CORO2A: variants seen among roughly 807,000 people sequenced by gnomAD.
CORO2A encodes coronin-2A.
A neutral mutation model predicts 62.4 loss-of-function variants in CORO2A; 47 were observed. The observed-to-expected ratio is 0.75, with a 90% CI of 0.60 to 0.96. CORO2A has a LOEUF of 0.96. Ranked by LOEUF, CORO2A falls within the 40% of genes least tolerant of loss-of-function variation. The pLI is 0.00. For synonymous variants in CORO2A, 273 were observed against 268.9 expected, an observed-to-expected ratio of 1.02 and a Z score of -0.15; for missense variants, 610 against 684.1, an observed-to-expected ratio of 0.89 and a Z score of 1.21.
At chr9:98,139,087 T>C (rs538353786) in intron 2 of CORO2A, among the ~76,000 whole-genome samples, 1 of 151,058 alleles carries the variant, frequency 6.6e-6, no homozygotes, top group Non-Finnish European at 1.5e-5. Flanking sequence ...GAACGATACA[T>C]TCATGGAGAC....
intron 11 of CORO2A, among the ~76,000 whole-genome samples, chr9:98,125,577 A>G (rs894730432): frequency 2.6e-5 from 4 of 152,180 alleles, no homozygotes; most frequent in African/African-American, 9.6e-5. Flanking sequence ...TGCCTACCCC[A>G]GGATCTGCCA....
intron 1 of CORO2A, among the ~76,000 whole-genome samples, chr9:98,188,753 G>C (rs1188413516): frequency 2.0e-5 from 3 of 152,134 alleles, no homozygotes; most frequent in African/African-American, 4.8e-5. Flanking sequence ...CTGGGAGACA[G>C]AGCGAGACTC....
intron 4 of CORO2A, among the ~76,000 whole-genome samples, chr9:98,134,392 GT>G (rs1021274617): frequency 6.6e-6 from 1 of 152,022 alleles, no homozygotes; most frequent in Non-Finnish European, 1.5e-5. Context: ...GTTGAACAGG[GT>G]TCCCCCCAAA....
intron 1 of CORO2A, among the ~76,000 whole-genome samples, chr9:98,160,689 C>T (rs12005005): frequency 5.9e-5 from 9 of 152,184 alleles, no homozygotes. Context: ...CAGGCCCCCC[C>T]ACTCCTCCCT....
At chr9:98,153,570 C>A (rs1227289969) in intron 2 of CORO2A, among the ~76,000 whole-genome samples, 1 of 150,972 alleles carries the variant, frequency 6.6e-6, no homozygotes, top group African/African-American at 2.4e-5. Flanking sequence ...CTGTGCCCAG[C>A]TAACTAAAAA....
chr9:98,161,101 G>A (rs183343150), intron 1 of CORO2A, among the ~76,000 whole-genome samples: 139 of 152,328 alleles, frequency 9.1e-4, no homozygotes, highest in Middle Eastern at 6.8e-3. Flanking sequence ...TGTCATGGAG[G>A]ACAGCGACCC....
In CORO2A at chr9:98,151,960, G is replaced by A. The variant is rs1227303601; in HGVS notation, c.201+5500C>T. 7.3e-5 allele frequency among the ~76,000 whole-genome samples: 11 copies of A among 151,718 alleles called. No individual in the cohort carries two copies. The East Asian group carries it at 1.9e-3, about 27-fold the overall frequency. On this transcript the variant is annotated intron_variant, in intron 2 of 11. Coordinates refer to ENST00000375077, the MANE Select transcript of CORO2A (RefSeq NM_052820.4). Reference sequence around the variant, plus strand: ...GCCTCCCATGTAGCTGGGACCACAGGCGCACGCCACCATGCCCGGCTAATT... The same window carrying A: ...GCCTCCCATGTAGCTGGGACCACAGACGCACGCCACCATGCCCGGCTAATT...
At position 98,162,144 on chromosome 9, in the gene CORO2A, C is replaced by T. The variant is rs151049934; in HGVS notation, c.1-4484G>A. Among the ~76,000 whole-genome samples the T allele has an allele frequency of 2.6e-3, 401 of 152,332 alleles. 1 individual carries two copies. The highest frequency in any genetic ancestry group is 9.1e-3 in the African/African-American group (379 of 41,578). ...GGTGTTCAGGCCAGTAACCGGGTCA[C>T]ACAGCTAGTGAACAGCAGGCCTGGG... On this transcript the variant is annotated intron_variant, in intron 1 of 11. Coordinates refer to ENST00000375077, the MANE Select transcript of CORO2A (RefSeq NM_052820.4).
intron 2 of CORO2A, among the ~76,000 whole-genome samples, chr9:98,141,439 C>G (rs1040956062): frequency 2.6e-5 from 4 of 151,656 alleles, no homozygotes; most frequent in African/African-American, 9.7e-5. Context: ...GCAACCTCCA[C>G]CTCCCAGGTT....
intron 5 of CORO2A, 26 bp from the exon 6 acceptor site, chr9:98,132,327 T>C: frequency 1.3e-6 from 2 of 1,591,350 alleles, no homozygotes; most frequent in Non-Finnish European, 1.7e-6. Context: ...CGGTCGGTAT[T>C]GGAGAGACAG....
intron 1 of CORO2A, among the ~76,000 whole-genome samples, chr9:98,187,090 T>C (rs1367728382): frequency 3.3e-5 from 5 of 152,012 alleles, no homozygotes; most frequent in South Asian, 2.1e-4. Flanking sequence ...CCATCCTGGC[T>C]AACACTGTGA....
chr9:98,173,616 T>C (rs1348137581), intron 1 of CORO2A, among the ~76,000 whole-genome samples: 1 of 152,122 alleles, frequency 6.6e-6, no homozygotes, highest in Non-Finnish European at 1.5e-5. Flanking sequence ...ATCCTCCTCG[T>C]CCTCCTTCTC....
chr9:98,136,699 T>C (rs1017734318), intron 3 of CORO2A, among the ~76,000 whole-genome samples: 6 of 152,208 alleles, frequency 3.9e-5, no homozygotes, highest in Non-Finnish European at 5.9e-5. Context: ...ACCTCTCTGA[T>C]CCTCAGCTTC....
At position 98,129,825 on chromosome 9, in the gene CORO2A, C is replaced by T. The variant is rs1827379559; in HGVS notation, c.936G>A (p.Glu312=). 7 of 1,613,950 alleles carry T rather than the reference C, an allele frequency of 4.3e-6. No homozygotes were observed. The South Asian group carries it at 7.7e-5, about 18-fold the overall frequency. Residue 312 remains glutamate, a synonymous_variant, in exon 8 of 12, where the codon GAG becomes GAA. Coordinates refer to ENST00000375077, the MANE Select transcript of CORO2A (RefSeq NM_052820.4). ...ADKPHLSYLT[E]YRSYNPQKGI... is the part of the protein sequence containing the mutation. Reference sequence around the variant, plus strand: ...CCTTCTGTGGGTTATAGGAGCGGTACTCAGTCAGGTAGCTCAGGTGAGGCT... The same window carrying T: ...CCTTCTGTGGGTTATAGGAGCGGTATTCAGTCAGGTAGCTCAGGTGAGGCT...
chr9:98,177,816 G>A (rs1053148247), intron 1 of CORO2A, among the ~76,000 whole-genome samples: 3 of 151,178 alleles, frequency 2.0e-5, no homozygotes, highest in South Asian at 2.1e-4. Flanking sequence ...CATCAACCTC[G>A]CAAGACAAAA....
At position 98,187,282 on chromosome 9, in the gene CORO2A, CAAAAAAAAAA is replaced by C. The variant is rs60290184; in HGVS notation, c.-1+5267_-1+5276del. On this transcript the variant is annotated intron_variant, in intron 1 of 11. Transcript: ENST00000375077. ...TGGGCGACAGAGCAAGACTCCATCT[CAAAAAAAAAA>C]AAAAAAAAAAAAAAAAATTAGCCAG... Among the ~76,000 whole-genome samples, 8 of 66,534 alleles carry C rather than the reference CAAAAAAAAAA, an allele frequency of 1.2e-4. No homozygotes were observed. In the East Asian group the frequency reaches 5.5e-3, roughly 45 times the overall value. 43.6% of individuals were successfully genotyped at this position (66,534 alleles called of 152,430 possible). A position where few individuals can be genotyped will look rare whatever the true frequency, so the allele number is the denominator to read the frequency against.
At chr9:98,129,666 G>A (rs1425465398) in intron 8 of CORO2A, 128 bp downstream of exon 8, 1 of 722,786 alleles carries the variant, frequency 1.4e-6, no homozygotes, top group Admixed American at 1.9e-5. Flanking sequence ...TTGCTATGCT[G>A]TCTCTCCTCC....
chr9:98,158,839 A>ACAC (rs1827842531), intron 1 of CORO2A, among the ~76,000 whole-genome samples: 1 of 118,680 alleles, frequency 8.4e-6, no homozygotes, highest in Non-Finnish European at 1.7e-5. Context: ...AGAAGAAAAC[A>ACAC]CACACACACA....
intron 2 of CORO2A, among the ~76,000 whole-genome samples, chr9:98,138,731 G>T (rs55736211): frequency 6.6e-6 from 1 of 152,122 alleles, no homozygotes; most frequent in African/African-American, 2.4e-5. Flanking sequence ...CCTGGTATCT[G>T]GAACCCTAAG....
Sources: allele counts gnomAD v4.1 joint callset (sites outside exome capture counted in the v4.1 genomes callset), GRCh38; gene constraint gnomAD v4.1.1; transcripts MANE v1.5; gene names NCBI Gene and HGNC (gene_info 2026-07-23, HGNC 2026-07-21).